The following ANO2 variants were observed in gnomAD, a reference collection of about 807,000 sequenced individuals.
ANO2 encodes anoctamin 2, also known as anoctamin-2.
ANO2 carries 101 observed loss-of-function variants against 124.2 expected under a neutral mutation model. That is an observed-to-expected ratio of 0.81 (90% CI 0.69 to 0.96). The LOEUF (loss-of-function observed/expected upper bound fraction) is 0.96. Ranked by LOEUF, ANO2 falls within the 40% of genes least tolerant of loss-of-function variation. The pLI is 0.00. For missense variants in ANO2, 1,293 were observed against 1,274.5 expected (o/e 1.01, Z -0.22); for synonymous variants, 486 against 482.5 (o/e 1.01, Z -0.09).
chr12:5,567,508 C>T (rs577499715), intron 23 of ANO2, among the ~76,000 whole-genome samples: 9 of 152,334 alleles, frequency 5.9e-5, no homozygotes, highest in Non-Finnish European at 1.2e-4. Flanking sequence ...TGTGCACACA[C>T]GCACACTCCT....
intron 1 of ANO2, among the ~76,000 whole-genome samples, chr12:5,933,199 C>T (rs1942502343): frequency 6.6e-6 from 1 of 152,196 alleles, no homozygotes; most frequent in African/African-American, 2.4e-5. Flanking sequence ...TTCCCACTGT[C>T]ATCTCCTGCT....
In ANO2 at chr12:5,626,427, A is replaced by T. The variant is rs1945408549; in HGVS notation, c.1816+8725T>A. 2.0e-5 allele frequency among the ~76,000 whole-genome samples: 3 copies of T among 152,252 alleles called. No individual in the cohort carries two copies. In the South Asian group the frequency reaches 6.2e-4, roughly 32 times the overall value. On this transcript the variant is annotated intron_variant, in intron 16 of 24. Coordinates refer to ENST00000682330, the MANE Select transcript of ANO2 (RefSeq NM_001364791.2). The stretch of plus-strand genomic sequence containing the variant: ...AAGACTGTCCTCCCTGGAAGAGCCC[A>T]TGCTGTCCAGGCCTGGAGTACGGAG...
At chr12:5,786,044 G>T (rs924661581) in intron 10 of ANO2, among the ~76,000 whole-genome samples, 1 of 151,100 alleles carries the variant, frequency 6.6e-6, no homozygotes, top group African/African-American at 2.4e-5. Flanking sequence ...GAGGCTGGGG[G>T]TGAGAGAAAT....
At chr12:5,584,132 C>CA (rs1555088512) in intron 20 of ANO2, 16 of 80,080 alleles carry the variant, frequency 2.0e-4, no homozygotes, top group African/African-American at 9.4e-5. Flanking sequence ...TTAATGAACA[C>CA]CCCCCCCCCG....
intron 10 of ANO2, among the ~76,000 whole-genome samples, chr12:5,757,313 G>T (rs2137101447): frequency 6.6e-6 from 1 of 152,232 alleles, no homozygotes; most frequent in East Asian, 1.9e-4. Context: ...AATGAAAAGT[G>T]ATTTCTTGTA....
intron 13 of ANO2, among the ~76,000 whole-genome samples, chr12:5,736,033 A>G (rs149217632): frequency 2.4e-4 from 36 of 152,342 alleles, no homozygotes; most frequent in Non-Finnish European, 4.9e-4. Flanking sequence ...TGAGCTGAAG[A>G]TTATCCCATT....
intron 14 of ANO2, among the ~76,000 whole-genome samples, chr12:5,687,180 C>T (rs1265920575): frequency 1.3e-5 from 2 of 152,334 alleles, no homozygotes; most frequent in South Asian, 2.1e-4. Context: ...ACCAAATGAT[C>T]GGACAAGGCG....
intron 7 of ANO2, among the ~76,000 whole-genome samples, chr12:5,817,958 G>C (rs946220035): frequency 3.3e-5 from 5 of 152,028 alleles, no homozygotes; most frequent in Admixed American, 3.3e-4. Context: ...CAGAAGGAGA[G>C]CAGTTGAGTA....
chr12:5,732,985 T>C (rs1950707817), intron 13 of ANO2: 5 of 1,291,528 alleles, frequency 3.9e-6, no homozygotes, highest in South Asian at 1.2e-5. Flanking sequence ...GGCAGAGGGA[T>C]ATCCCTGGTC....
At chr12:5,710,884 G>A (rs920064092) in intron 14 of ANO2, among the ~76,000 whole-genome samples, 4 of 152,104 alleles carry the variant, frequency 2.6e-5, no homozygotes, top group Admixed American at 6.5e-5. Flanking sequence ...TCCCTGGGCC[G>A]GGCGCGGTGG....
chr12:5,688,342 G>C (rs370442928), intron 14 of ANO2, among the ~76,000 whole-genome samples: 1 of 152,130 alleles, frequency 6.6e-6, no homozygotes, highest in Non-Finnish European at 1.5e-5. Flanking sequence ...ACAAGAGGCC[G>C]AAGCAAGGAC....
At chr12:5,641,504 C>T (rs1235431779) in intron 15 of ANO2, among the ~76,000 whole-genome samples, 3 of 152,030 alleles carry the variant, frequency 2.0e-5, no homozygotes, top group South Asian at 4.2e-4. Flanking sequence ...ATGTATTGTC[C>T]AATCTGGAAT....
At chr12:5,697,279 A>T (rs1303997757) in intron 14 of ANO2, among the ~76,000 whole-genome samples, 3 of 151,950 alleles carry the variant, frequency 2.0e-5, no homozygotes, top group Non-Finnish European at 4.4e-5. Flanking sequence ...GAAAATACGA[A>T]AAATTAGCCG....
intron 4 of ANO2, among the ~76,000 whole-genome samples, chr12:5,848,514 G>A (rs1203811748): frequency 6.6e-6 from 1 of 152,192 alleles, no homozygotes; most frequent in Non-Finnish European, 1.5e-5. Context: ...TGGAACTCAA[G>A]GTGGACCACT....
At chr12:5,593,002 T>C (rs941575280) in intron 20 of ANO2, among the ~76,000 whole-genome samples, 9 of 152,120 alleles carry the variant, frequency 5.9e-5, no homozygotes, top group Admixed American at 2.6e-4. Context: ...CTACAGGCCT[T>C]GGTGCACACT....
chr12:5,602,181 C>T (rs1053746069), intron 19 of ANO2, among the ~76,000 whole-genome samples: 1 of 150,854 alleles, frequency 6.6e-6, no homozygotes, highest in Non-Finnish European at 1.5e-5. Context: ...TACTATCTCT[C>T]GGAAAAAAAG....
intron 14 of ANO2, among the ~76,000 whole-genome samples, chr12:5,702,238 A>G (rs955167066): frequency 6.6e-6 from 1 of 152,222 alleles, no homozygotes; most frequent in Non-Finnish European, 1.5e-5. Flanking sequence ...AACCACAATT[A>G]GCAAACTTGA....
intron 14 of ANO2, among the ~76,000 whole-genome samples, chr12:5,656,153 C>A (rs1947141506): frequency 6.6e-6 from 1 of 152,166 alleles, no homozygotes; most frequent in Admixed American, 6.5e-5. Context: ...CACAGGGTTG[C>A]AGTGAGTTTA....
intron 14 of ANO2, among the ~76,000 whole-genome samples, chr12:5,718,516 C>T (rs148983538): frequency 0.011 from 1,672 of 152,244 alleles, 77 homozygotes; most frequent in Admixed American, 0.085. Flanking sequence ...AGCCAACAGT[C>T]GAGTAGTAGA....
Sources: allele counts gnomAD v4.1 joint callset (sites outside exome capture counted in the v4.1 genomes callset), GRCh38; gene constraint gnomAD v4.1.1; transcripts MANE v1.5; gene names NCBI Gene and HGNC (gene_info 2026-07-23, HGNC 2026-07-21).